The following TAFA2 variants were observed in gnomAD, a reference collection of about 807,000 sequenced individuals.
TAFA2 encodes the protein chemokine-like protein TAFA-2.
TAFA2 carries 7 observed loss-of-function variants against 18.8 expected under a neutral mutation model. The ratio of observed to expected loss-of-function variants is 0.37; its 90% confidence interval spans 0.21 to 0.70. The LOEUF (loss-of-function observed/expected upper bound fraction) is 0.70. TAFA2 is among the 30% of genes least tolerant of loss of function. The probability of loss-of-function intolerance (pLI) is 0.53; values close to 1 mark genes in which losing one functional copy is unlikely to be tolerated. For missense variants in TAFA2, 122 were observed against 158.1 expected, an observed-to-expected ratio of 0.77 and a Z score of 1.23; for synonymous variants, 60 against 54.2, an observed-to-expected ratio of 1.11 and a Z score of -0.47.
chr12:61,823,798 T>C (rs74909401), intron 2 of TAFA2, among the ~76,000 whole-genome samples: 2,835 of 152,164 alleles, frequency 0.019, 87 homozygotes, highest in African/African-American at 0.065. Context: ...AGAGTGCCCA[T>C]AGAATAATAC....
intron 1 of TAFA2, among the ~76,000 whole-genome samples, chr12:62,043,807 C>T (rs980131305): frequency 2.0e-5 from 3 of 152,110 alleles, no homozygotes; most frequent in African/African-American, 7.2e-5. Flanking sequence ...AATCCCTACA[C>T]ATTGATTGAA....
chr12:62,029,544 A>G (rs1361054519), intron 1 of TAFA2, among the ~76,000 whole-genome samples: 1 of 152,130 alleles, frequency 6.6e-6, no homozygotes, highest in Non-Finnish European at 1.5e-5. Flanking sequence ...AACTGATGTG[A>G]TAAGATGGCT....
chr12:61,825,263 C>A (rs903069725), intron 2 of TAFA2, among the ~76,000 whole-genome samples: 1 of 151,776 alleles, frequency 6.6e-6, no homozygotes. Context: ...GAAGACACTG[C>A]GGATGTGGAC....
chr12:62,166,538 C>A (rs925978265), intron 1 of TAFA2, among the ~76,000 whole-genome samples: 8 of 152,048 alleles, frequency 5.3e-5, no homozygotes, highest in African/African-American at 1.9e-4. Context: ...CTTTTGCTTC[C>A]TTTCCCTTTT....
chr12:61,763,202 C>A (rs947596983), intron 2 of TAFA2, among the ~76,000 whole-genome samples: 1 of 151,970 alleles, frequency 6.6e-6, no homozygotes, highest in African/African-American at 2.4e-5. Context: ...CAACCAAGTG[C>A]CGATGACATG....
intron 4 of TAFA2, among the ~76,000 whole-genome samples, chr12:61,716,320 G>T (rs1052129018): frequency 2.0e-5 from 3 of 152,050 alleles, no homozygotes; most frequent in East Asian, 1.9e-4. Flanking sequence ...TTGCAGAAAG[G>T]ATACATATTT....
chr12:62,249,735 CAA>C (rs1219215438), intron 1 of TAFA2, among the ~76,000 whole-genome samples: 2 of 152,154 alleles, frequency 1.3e-5, no homozygotes, highest in Non-Finnish European at 2.9e-5. Flanking sequence ...TCGCTGGGTG[CAA>C]AAGTGTGAGG....
At chr12:62,175,245 T>C (rs2062504317) in intron 1 of TAFA2, among the ~76,000 whole-genome samples, 1 of 152,172 alleles carries the variant, frequency 6.6e-6, no homozygotes, top group African/African-American at 2.4e-5. Flanking sequence ...TTACATGCAG[T>C]GGGAACATCT....
chr12:61,889,440 T>C (rs1875533741), intron 1 of TAFA2, among the ~76,000 whole-genome samples: 1 of 152,182 alleles, frequency 6.6e-6, no homozygotes, highest in African/African-American at 2.4e-5. Flanking sequence ...CCTTACAATC[T>C]GGCTTACTAG....
chr12:62,024,678 A>C (rs1050809710), intron 1 of TAFA2, among the ~76,000 whole-genome samples: 10 of 152,116 alleles, frequency 6.6e-5, no homozygotes, highest in Non-Finnish European at 1.2e-4. Context: ...AACAACCTTC[A>C]TAATGGGAGA....
At chr12:61,897,194 A>G (rs1353201005) in intron 1 of TAFA2, among the ~76,000 whole-genome samples, 1 of 152,218 alleles carries the variant, frequency 6.6e-6, no homozygotes, top group Non-Finnish European at 1.5e-5. Flanking sequence ...ACCCATGTAG[A>G]GTGGATGTGC....
intron 1 of TAFA2, among the ~76,000 whole-genome samples, chr12:62,049,019 G>A (rs964201427): frequency 3.3e-5 from 5 of 152,316 alleles, no homozygotes; most frequent in African/African-American, 1.2e-4. Context: ...ATAAGATGGA[G>A]AAAATTATAT....
chr12:62,238,931 C>T (rs1043621729), intron 1 of TAFA2, among the ~76,000 whole-genome samples: 8 of 152,182 alleles, frequency 5.3e-5, no homozygotes, highest in African/African-American at 1.7e-4. Context: ...CAATTATAAT[C>T]CATCTTTGCA....
chr12:62,252,204 A>C (rs1351198353), intron 1 of TAFA2: 1 of 152,220 alleles, frequency 6.6e-6, no homozygotes, highest in Non-Finnish European at 1.5e-5. Flanking sequence ...ATACTTTACT[A>C]GTCAATTTAC....
At chr12:61,783,402 T>C (rs114196248) in intron 2 of TAFA2, among the ~76,000 whole-genome samples, 153 of 151,778 alleles carry the variant, frequency 1.0e-3, no homozygotes, top group African/African-American at 2.5e-3. Flanking sequence ...TAAGAGCTTA[T>C]GACAATTTCT....
chr12:62,047,378 A>G (rs1881937998), intron 1 of TAFA2, among the ~76,000 whole-genome samples: 1 of 152,148 alleles, frequency 6.6e-6, no homozygotes, highest in South Asian at 2.1e-4. Context: ...ATGTCCCAGG[A>G]TCATCATAAT....
At chr12:62,005,207 G>A (rs1347346370) in intron 1 of TAFA2, among the ~76,000 whole-genome samples, 1 of 152,064 alleles carries the variant, frequency 6.6e-6, no homozygotes. Context: ...AGATAACTAT[G>A]TGAGGTGACG....
chr12:62,016,907 A>C (rs1289895861), intron 1 of TAFA2, among the ~76,000 whole-genome samples: 1 of 152,218 alleles, frequency 6.6e-6, no homozygotes, highest in Non-Finnish European at 1.5e-5. Context: ...CATGTAGAGC[A>C]GGGGAGTTGG....
At chr12:61,986,686 A>G (rs959208880) in intron 1 of TAFA2, among the ~76,000 whole-genome samples, 9 of 152,160 alleles carry the variant, frequency 5.9e-5, no homozygotes, top group African/African-American at 1.9e-4. Flanking sequence ...AAACTGTTCA[A>G]TAATCAAACT....
Sources: gnomAD v4.1 joint callset for allele counts (sites outside exome capture counted in the v4.1 genomes callset) on GRCh38, gnomAD v4.1.1 for gene constraint, MANE v1.5 for transcripts, NCBI Gene and HGNC (gene_info 2026-07-23, HGNC 2026-07-21) for gene names.